The following NDRG3 variants were observed in gnomAD, a reference collection of about 807,000 sequenced individuals.
The protein encoded by NDRG3 is protein NDRG3.
A neutral mutation model predicts 57.2 loss-of-function variants in NDRG3; 23 were observed. The observed-to-expected ratio is 0.40, with a 90% CI of 0.29 to 0.57. The LOEUF (loss-of-function observed/expected upper bound fraction) is 0.57, where lower values mean the gene tolerates loss of function less well. Ranked by LOEUF, NDRG3 falls within the 20% of genes least tolerant of loss-of-function variation. The probability of loss-of-function intolerance (pLI) is 0.42; values close to 1 mark genes in which losing one functional copy is unlikely to be tolerated. For missense variants in NDRG3, 384 were observed against 457.3 expected (o/e 0.84, Z 1.46); for synonymous variants, 132 against 162.6 (o/e 0.81, Z 1.43).
intron 2 of NDRG3, among the ~76,000 whole-genome samples, chr20:36,715,509 G>GTT (rs376599701): frequency 7.1e-6 from 1 of 140,854 alleles, no homozygotes. Context: ...CTCCCCCTAG[G>GTT]TTTTTTTTTT....
At chr20:36,695,190 T>TAA (rs144817547) in intron 3 of NDRG3, among the ~76,000 whole-genome samples, 2,620 of 152,340 alleles carry the variant, frequency 0.017, 66 homozygotes, top group African/African-American at 0.06. Context: ...TGCCTGTCCT[T>TAA]ACTTTAATCT....
At position 36,656,478 on chromosome 20, in the gene NDRG3, TA is replaced by T. The variant is rs561918861; in HGVS notation, c.894+18del. 57 of 1,613,812 alleles carry T rather than the reference TA, an allele frequency of 3.5e-5. No homozygotes were observed. In the African/African-American group the frequency reaches 6.7e-4, roughly 19 times the overall value. ...AGAGAAGCAGAATTAAATGGGTGTT[TA>T]AAAAAAATTCTCCTTACCTGAACTA... On this transcript the variant is annotated intron_variant, in intron 14 of 15. Transcript: ENST00000349004.
At chr20:36,671,046 A>G (rs1980107669) in intron 9 of NDRG3, among the ~76,000 whole-genome samples, 1 of 152,120 alleles carries the variant, frequency 6.6e-6, no homozygotes, top group South Asian at 2.1e-4. Context: ...AGACCTCCTA[A>G]TGGCTCTAAA....
intron 12 of NDRG3, among the ~76,000 whole-genome samples, chr20:36,661,292 G>A (rs963001686): frequency 2.0e-5 from 3 of 152,232 alleles, no homozygotes; most frequent in East Asian, 1.9e-4. Flanking sequence ...GTCTGATATC[G>A]TGCACCCTTG....
rs771184591 is a variant in NDRG3 at position 36,682,597 on chromosome 20, G to A, written c.384-19C>T. ...TTTCAGGCTGTGAATGGGACATAAC[G>A]ACAACTGACAGAGTCAACTTCATTT... On this transcript the variant is annotated intron_variant, in intron 6 of 15. Coordinates refer to ENST00000349004, the MANE Select transcript of NDRG3 (RefSeq NM_032013.4). The A allele has an allele frequency of 1.1e-5, 18 of 1,608,890 alleles. No homozygotes were observed. The highest frequency in any genetic ancestry group is 5.3e-5 in the African/African-American group (4 of 74,790).
intron 2 of NDRG3, among the ~76,000 whole-genome samples, chr20:36,713,990 G>A (rs1366599662): frequency 1.3e-5 from 2 of 152,134 alleles, no homozygotes; most frequent in Admixed American, 1.3e-4. Context: ...AAACAAAGAT[G>A]GGGGATTGTA....
At chr20:36,735,252 C>T (rs1568674255) in intron 1 of NDRG3, among the ~76,000 whole-genome samples, 1 of 152,180 alleles carries the variant, frequency 6.6e-6, no homozygotes, top group Non-Finnish European at 1.5e-5. Context: ...CGAAGTGCTT[C>T]AAAATCCAAA....
At chr20:36,656,767 T>A (rs978079926) in intron 13 of NDRG3, among the ~76,000 whole-genome samples, 1 of 152,222 alleles carries the variant, frequency 6.6e-6, no homozygotes, top group Non-Finnish European at 1.5e-5. Flanking sequence ...AGGCCCATGG[T>A]GGGAATTTTC....
intron 2 of NDRG3, among the ~76,000 whole-genome samples, chr20:36,713,912 A>G (rs1428420312): frequency 2.0e-5 from 3 of 152,224 alleles, no homozygotes; most frequent in African/African-American, 7.2e-5. Context: ...ACTGTTAAAG[A>G]GAATAAAATA....
chr20:36,745,474 C>A (rs777981229), intron 1 of NDRG3, among the ~76,000 whole-genome samples: 11 of 152,312 alleles, frequency 7.2e-5, no homozygotes, highest in South Asian at 2.1e-4. Flanking sequence ...TTGTCAGCTG[C>A]GTGACCTTGG....
At chr20:36,719,397 A>G (rs1172781790) in intron 2 of NDRG3, among the ~76,000 whole-genome samples, 3 of 145,788 alleles carry the variant, frequency 2.1e-5, no homozygotes, top group African/African-American at 7.7e-5. Context: ...ACTGCACTCG[A>G]GCCTGGTGAC....
intron 3 of NDRG3, among the ~76,000 whole-genome samples, 187 bp downstream of exon 3, chr20:36,706,785 G>A (rs949049286): frequency 1.1e-4 from 16 of 152,164 alleles, no homozygotes; most frequent in African/African-American, 3.6e-4. Flanking sequence ...TTATAGGTAT[G>A]AGCCCCCATG....
intron 1 of NDRG3, among the ~76,000 whole-genome samples, chr20:36,741,151 CCTT>C (rs1347745680): frequency 2.0e-5 from 3 of 152,202 alleles, no homozygotes; most frequent in African/African-American, 7.2e-5. Flanking sequence ...TCCCATTTGG[CCTT>C]TTTTTCTTTC....
At chr20:36,676,819 T>G (rs1359677045) in intron 8 of NDRG3, among the ~76,000 whole-genome samples, 3 of 152,240 alleles carry the variant, frequency 2.0e-5, no homozygotes, top group Non-Finnish European at 4.4e-5. Flanking sequence ...CAGTGGCTGC[T>G]GCCATCACGC....
intron 1 of NDRG3, among the ~76,000 whole-genome samples, chr20:36,730,815 G>T (rs1444448856): frequency 6.6e-6 from 1 of 151,850 alleles, no homozygotes; most frequent in Non-Finnish European, 1.5e-5. Context: ...AGGCGTGGTG[G>T]TAATTCCAGC....
intron 3 of NDRG3, among the ~76,000 whole-genome samples, chr20:36,691,820 A>T (rs1474112926): frequency 6.6e-6 from 1 of 152,086 alleles, no homozygotes; most frequent in Non-Finnish European, 1.5e-5. Flanking sequence ...TTATTAAAGG[A>T]CTCACTTCCC....
Position 36,725,384 on chromosome 20 carries a change from T to G in NDRG3, c.-48-3601A>C, listed in dbSNP as rs761992728. On this transcript the variant is annotated intron_variant, in intron 1 of 15. Coordinates refer to ENST00000349004, the MANE Select transcript of NDRG3 (RefSeq NM_032013.4). ...CAGCACGCTGGGAGGCCAAGGTGGG[T>G]GGATCACCTGAGGTTCGAGACCAGT... Among the ~76,000 whole-genome samples, 91 of 151,638 alleles carry G rather than the reference T, an allele frequency of 6.0e-4. 4 individuals are homozygous for G. Among genetic ancestry groups the G allele is most frequent in the Non-Finnish European group, 3.1e-4 (21 of 67,878 alleles).
chr20:36,674,886 ATTTTTTTTTTTTTTTTTT>A (rs34146274), intron 8 of NDRG3, among the ~76,000 whole-genome samples: 16 of 39,694 alleles, frequency 4.0e-4, no homozygotes, highest in East Asian at 1.1e-3. Context: ...GCCCAGCCAG[ATTTTTTTTTTTTTTTTTT>A]TTTTTTTTTT....
intron 12 of NDRG3, among the ~76,000 whole-genome samples, chr20:36,663,991 T>TG (rs1460214591): frequency 3.3e-5 from 5 of 151,938 alleles, no homozygotes; most frequent in African/African-American, 1.2e-4. Flanking sequence ...TTAGTAGAGA[T>TG]GGGGTTTCAC....
Sources: gnomAD v4.1 joint callset for allele counts (sites outside exome capture counted in the v4.1 genomes callset) on GRCh38, gnomAD v4.1.1 for gene constraint, MANE v1.5 for transcripts, NCBI Gene and HGNC (gene_info 2026-07-23, HGNC 2026-07-21) for gene names.